MYO18A: variants seen among roughly 807,000 people sequenced by gnomAD.
The protein encoded by MYO18A is myosin XVIIIA, also known as unconventional myosin-XVIIIa.
In MYO18A, 78 loss-of-function variants were observed where a neutral mutation model predicts 235.8. The observed-to-expected ratio is 0.33, with a 90% CI of 0.28 to 0.40. MYO18A has a LOEUF of 0.40. Among genes scored for constraint, MYO18A ranks in the 10% least tolerant of loss-of-function variants. The pLI is 1.00. For synonymous variants in MYO18A, 977 were observed against 1,077.8 expected (o/e 0.91, Z 1.83); for missense variants, 2,215 against 2,699.3 (o/e 0.82, Z 3.98).
rs1382573486 is a variant in MYO18A at position 29,072,969 on chromosome 17, T to C, written c.*1801A>G. On this transcript the variant is annotated 3_prime_UTR_variant, in exon 42 of 42. Coordinates refer to ENST00000527372, the MANE Select transcript of MYO18A (RefSeq NM_078471.4). ...CTCCCAACCTATTCACATTGCCCTG[T>C]GGGCCCGAGCTAGTTCTGCCAAGTT... is the stretch of plus-strand genomic sequence containing the variant. The C allele has an allele frequency of 6.6e-6, 1 of 152,198 alleles. No homozygotes were observed. Among genetic ancestry groups the C allele is most frequent in the African/African-American group, 2.4e-5 (1 of 41,450 alleles). The allele number at this position is 152,198 out of a possible 1,614,324, so 9.4% of individuals were successfully genotyped here. A position where few individuals can be genotyped will look rare whatever the true frequency, so the allele number is the denominator to read the frequency against.
chr17:29,161,669 C>T (rs529557752), intron 2 of MYO18A, among the ~76,000 whole-genome samples: 1 of 152,300 alleles, frequency 6.6e-6, no homozygotes, highest in African/African-American at 2.4e-5. Context: ...GGACATGCCT[C>T]GTCCTAAGGG....
intron 1 of MYO18A, among the ~76,000 whole-genome samples, chr17:29,176,192 A>G (rs935023287): frequency 4.6e-5 from 7 of 150,554 alleles, no homozygotes; most frequent in Non-Finnish European, 8.9e-5. Context: ...TTTCCAGACT[A>G]AAAAAAAATG....
intron 39 of MYO18A, 93 bp downstream of exon 39, chr17:29,086,345 G>A: frequency 7.1e-7 from 1 of 1,416,766 alleles, no homozygotes; most frequent in Non-Finnish European, 9.7e-7. Flanking sequence ...TGGGGAGGCA[G>A]AGGTTGCAAC....
At position 29,106,402 on chromosome 17, in the gene MYO18A, T is replaced by A. The variant is rs1480172765; in HGVS notation, c.3441+678A>T. Reference sequence around the variant, plus strand: ...ACACAGAGGCAGGCTGGGCACTCTGTGGGCTTTCTGCCCCATTCTGCAGCA... The same window carrying A: ...ACACAGAGGCAGGCTGGGCACTCTGAGGGCTTTCTGCCCCATTCTGCAGCA... On this transcript the variant is annotated intron_variant, in intron 20 of 41. Transcript: ENST00000527372. This position sits in a 1 kb window ranked among gnomAD's most constrained non-coding sequence, Gnocchi z 4.6. Among the ~76,000 whole-genome samples the A allele has an allele frequency of 6.6e-6, 1 of 152,140 alleles. No individual in the cohort carries two copies.
intron 21 of MYO18A, among the ~76,000 whole-genome samples, chr17:29,102,165 C>T (rs773814145): frequency 4.6e-5 from 7 of 152,210 alleles, no homozygotes; most frequent in Non-Finnish European, 7.3e-5. Flanking sequence ...CTGCCTCAGC[C>T]GGGCACCTGG....
At chr17:29,086,027 A>T (rs1397878406) in intron 39 of MYO18A, among the ~76,000 whole-genome samples, 4 of 152,224 alleles carry the variant, frequency 2.6e-5, no homozygotes, top group Non-Finnish European at 1.5e-5. Flanking sequence ...CCTCAGCCTA[A>T]GACTACAAAT....
chr17:29,101,991 A>AC (rs1017193978), intron 21 of MYO18A, among the ~76,000 whole-genome samples: 13 of 151,858 alleles, frequency 8.6e-5, no homozygotes, highest in African/African-American at 2.7e-4. Context: ...TCAGATGAAG[A>AC]CCCCCCTCCT....
At chr17:29,085,731 C>A (rs2066238540) in intron 39 of MYO18A, 83 bp from the exon 40 acceptor site, 6 of 1,377,600 alleles carry the variant, frequency 4.4e-6, no homozygotes, top group Non-Finnish European at 6.2e-6. Context: ...GACCCCTTAG[C>A]TGAAGACCTC....
At chr17:29,161,731 G>A (rs1275644483) in intron 2 of MYO18A, among the ~76,000 whole-genome samples, 3 of 152,144 alleles carry the variant, frequency 2.0e-5, no homozygotes, top group Non-Finnish European at 2.9e-5. Flanking sequence ...AGACAGACTC[G>A]CCTTCTCCTC....
intron 2 of MYO18A, among the ~76,000 whole-genome samples, chr17:29,153,184 G>A (rs568637226): frequency 7.9e-5 from 12 of 152,198 alleles, no homozygotes; most frequent in African/African-American, 2.9e-4. Flanking sequence ...CTGCAGTGGT[G>A]CAATCACGGC....
intron 21 of MYO18A, among the ~76,000 whole-genome samples, chr17:29,101,864 T>G (rs974950352): frequency 1.3e-4 from 20 of 152,086 alleles, no homozygotes; most frequent in African/African-American, 4.8e-4. Context: ...CTTTTGGGTA[T>G]TGGGTGAAAG....
intron 1 of MYO18A, among the ~76,000 whole-genome samples, chr17:29,173,098 CTT>C (rs71135873): frequency 2.0e-5 from 3 of 146,426 alleles, no homozygotes. Flanking sequence ...TTTGCCGTTA[CTT>C]TTTTTTTTTT....
chr17:29,122,889 C>G (rs1444723803), intron 2 of MYO18A, among the ~76,000 whole-genome samples: 1 of 152,260 alleles, frequency 6.6e-6, no homozygotes, highest in Non-Finnish European at 1.5e-5. Context: ...ATCAGCCTCC[C>G]TGCTCCTTCT....
chr17:29,156,668 C>T (rs1264146599), intron 2 of MYO18A, among the ~76,000 whole-genome samples: 1 of 152,206 alleles, frequency 6.6e-6, no homozygotes, highest in Admixed American at 6.5e-5. Context: ...ACAAATATCC[C>T]CTGCCCTCAT....
chr17:29,141,972 T>G (rs1222323568), intron 2 of MYO18A, among the ~76,000 whole-genome samples: 4 of 151,870 alleles, frequency 2.6e-5, no homozygotes, highest in Non-Finnish European at 5.9e-5. Flanking sequence ...TGAGACGGAG[T>G]CTCGCTCTGT....
chr17:29,127,829 C>T (rs1018412289), intron 2 of MYO18A: 13 of 983,648 alleles, frequency 1.3e-5, no homozygotes, highest in African/African-American at 1.7e-5. Flanking sequence ...GGGGCAGGAG[C>T]GGTTAGTGAC....
intron 2 of MYO18A, among the ~76,000 whole-genome samples, chr17:29,159,487 C>A (rs967411451): frequency 1.3e-5 from 2 of 152,018 alleles, no homozygotes; most frequent in Non-Finnish European, 1.5e-5. Flanking sequence ...ACAAAAAAAA[C>A]AGAAACAGAA....
Position 29,074,708 on chromosome 17 carries a change from G to A in MYO18A, c.*62C>T. ...GGAGACCGGTGCCCCACCACTTCCT[G>A]GGAGAGGTGCCCAGGCAGCCACAGG... On this transcript the variant is annotated 3_prime_UTR_variant, in exon 42 of 42. Coordinates refer to ENST00000527372, the MANE Select transcript of MYO18A (RefSeq NM_078471.4). This position sits in a 1 kb window ranked among gnomAD's most constrained non-coding sequence, Gnocchi z 4.4. The A allele has an allele frequency of 6.3e-7, 1 of 1,584,430 alleles. No individual in the cohort carries two copies. The highest frequency in any genetic ancestry group is 8.7e-7 in the Non-Finnish European group (1 of 1,155,222).
rs2152825102 is a variant in MYO18A, at chr17:29,111,259, C to T, written c.2900+165G>A. ...GCCTCCCACCTCTACTTCAAGAGGC[C>T]CCTCAAGCTCCTCAAGGCCAAGTGC... On this transcript the variant is annotated intron_variant, in intron 17 of 41. Transcript: ENST00000527372. The surrounding 1 kb of genome is among the most constrained non-coding windows in gnomAD (Gnocchi z 5.1). 6.6e-6 allele frequency among the ~76,000 whole-genome samples: 1 copy of T among 152,310 alleles called. No individual in the cohort carries two copies. The highest frequency in any genetic ancestry group is 2.1e-4 in the South Asian group (1 of 4,828).
Sources: gnomAD v4.1 joint callset for allele counts (sites outside exome capture counted in the v4.1 genomes callset) on GRCh38, gnomAD v4.1.1 for gene constraint, Gnocchi (gnomAD v3.1) non-coding constraint, MANE v1.5 for transcripts, NCBI Gene and HGNC (gene_info 2026-07-23, HGNC 2026-07-21) for gene names.